Variants in ZP4 observed in about 807,000 individuals in gnomAD.
ZP4 encodes zona pellucida glycoprotein 4.
Under a neutral mutation model 62.3 loss-of-function variants are expected in ZP4, and 62 were observed. That is an observed-to-expected ratio of 0.99 (90% CI 0.81 to 1.23). ZP4 has a LOEUF of 1.23. Ranked by LOEUF, ZP4 falls within the 50% of genes most tolerant of loss-of-function variation. The pLI is 0.00. For missense variants in ZP4, 774 were observed against 656.0 expected, an observed-to-expected ratio of 1.18 and a Z score of -1.97; for synonymous variants, 289 against 247.3, an observed-to-expected ratio of 1.17 and a Z score of -1.58.
intron 4 of ZP4, among the ~76,000 whole-genome samples, chr1:237,888,139 T>C (rs1039797135): frequency 6.6e-6 from 1 of 152,230 alleles, no homozygotes; most frequent in Non-Finnish European, 1.5e-5. Context: ...GCACATAGCC[T>C]TCAAGTCTGA....
chr1:237,885,905 T>C lies in ZP4; in HGVS notation c.840-19A>G, dbSNP rs1010070481. ...ATGGAGCCTGCAGAGAAACAAGATT[T>C]TAGCTAGTTGGTTGTGGGAAGTGGG... On this transcript the variant is annotated intron_variant, in intron 6 of 11. Coordinates refer to ENST00000366570, the MANE Select transcript of ZP4 (RefSeq NM_021186.5). 6.2e-7 allele frequency: 1 copy of C among 1,613,412 alleles called. No individual in the cohort carries two copies. Among genetic ancestry groups the C allele is most frequent in the Non-Finnish European group, 8.5e-7 (1 of 1,179,824 alleles).
rs762466457 is a variant in ZP4, at chr1:237,890,189, G to A, written c.176-13C>T. The A allele has an allele frequency of 4.3e-6, 7 of 1,613,644 alleles. No homozygotes were observed. The highest frequency in any genetic ancestry group is 5.9e-6 in the Non-Finnish European group (7 of 1,179,998). On this transcript the variant is annotated splice_polypyrimidine_tract_variant and intron_variant, in intron 1 of 11. Transcript: ENST00000366570. ...AGCCCTTGGTTGTCTGGAGGGGTGG[G>A]GAAGAGGTGAGAAAACACAGCGGTC... is the stretch of plus-strand genomic sequence containing the variant.
chr1:237,884,617 C>G, intron 10 of ZP4, 152 bp downstream of exon 10: 1 of 649,974 alleles, frequency 1.5e-6, no homozygotes, highest in Non-Finnish European at 2.6e-6. Context: ...TTCTGGGAAG[C>G]TAGTCATCTT....
intron 10 of ZP4, among the ~76,000 whole-genome samples, chr1:237,883,728 GGAGGGA>G (rs1488627095): frequency 2.6e-4 from 5 of 19,206 alleles, no homozygotes; most frequent in African/African-American, 9.9e-4. Context: ...GGAGGGCGGG[GGAGGGA>G]GAGAGAGGGA....
At position 237,883,967 on chromosome 1, in the gene ZP4, AACAC is replaced by A. The variant is rs201363836; in HGVS notation, c.1390+798_1390+801del. Among the ~76,000 whole-genome samples, 387 of 86,556 alleles carry A rather than the reference AACAC, an allele frequency of 4.5e-3. 10 individuals are homozygous for A. The highest frequency in any genetic ancestry group is 0.02 in the African/African-American group (355 of 17,552). 56.8% of individuals were successfully genotyped at this position (86,556 alleles called of 152,430 possible). On this transcript the variant is annotated intron_variant, in intron 10 of 11. Transcript: ENST00000366570. ...AGAGCAAGAACTGGTCACACACACA[AACAC>A]ACACACACACAAACACACACACACA...
intron 10 of ZP4, among the ~76,000 whole-genome samples, chr1:237,883,988 ACACACACACACACACACAC>A (rs1665015525): frequency 6.4e-5 from 2 of 31,110 alleles, no homozygotes; most frequent in African/African-American, 2.0e-4. Context: ...ACACAAACAC[ACACACACACACACACACAC>A]ACACACACAA....
chr1:237,884,053 A>AAACACAC lies in ZP4; in HGVS notation c.1390+715_1390+716insGTGTGTT, dbSNP rs1665035411. On this transcript the variant is annotated intron_variant, in intron 10 of 11. Transcript: ENST00000366570. ...ACACAAACACACACAAACACACACA[A>AAACACAC]ACACACACAAACACACACAAACACA... 1.0e-4 allele frequency among the ~76,000 whole-genome samples: 13 copies of AAACACAC among 124,340 alleles called. 1 individual carries two copies. Among genetic ancestry groups the AAACACAC allele is most frequent in the African/African-American group, 5.7e-4 (13 of 22,728 alleles). 81.6% of individuals were successfully genotyped at this position (124,340 alleles called of 152,430 possible).
intron 3 of ZP4, among the ~76,000 whole-genome samples, chr1:237,889,159 T>TATTTTTCCAAGTTCC (rs1312235997): frequency 6.6e-6 from 1 of 152,024 alleles, no homozygotes; most frequent in Non-Finnish European, 1.5e-5. Context: ...TCTGTGGAGG[T>TATTTTTCCAAGTTCC]ATTTTTCCAA....
chr1:237,886,976 C>T (rs918837022), intron 5 of ZP4, 108 bp from the exon 6 acceptor site: 5 of 941,852 alleles, frequency 5.3e-6, no homozygotes, highest in Non-Finnish European at 8.2e-6. Flanking sequence ...TGGTATATTT[C>T]CTATTACTTC....
In ZP4 at chr1:237,888,354, TCAC is replaced by T; in HGVS notation, c.553+1_553+3del. Reference sequence around the variant, plus strand: ...TGGTTTCAGAGGTGTGCTCACTTACTCACCAGTGTTTCCATAGTAGCAGGAATT... The same window carrying T: ...TGGTTTCAGAGGTGTGCTCACTTACTCAGTGTTTCCATAGTAGCAGGAATT... On this transcript the variant is annotated splice_donor_variant and splice_donor_region_variant and intron_variant, in intron 4 of 11. Transcript: ENST00000366570. LOFTEE classifies it high-confidence loss of function. The T allele has an allele frequency of 6.4e-7, 1 of 1,572,752 alleles. No individual in the cohort carries two copies. The highest frequency in any genetic ancestry group is 8.7e-7 in the Non-Finnish European group (1 of 1,150,786).
intron 3 of ZP4, among the ~76,000 whole-genome samples, chr1:237,888,799 A>G (rs1287116953): frequency 6.6e-6 from 1 of 152,178 alleles, no homozygotes; most frequent in Non-Finnish European, 1.5e-5. Context: ...CCTTCCAGTA[A>G]CAATCCTTCC....
At position 237,885,521 on chromosome 1, in the gene ZP4, C is replaced by A; in HGVS notation, c.1030G>T (p.Asp344Tyr). Residue 344 changes from aspartate (D) to tyrosine (Y), a missense_variant, in exon 8 of 12, where the codon GAT (aspartate) becomes TAT (tyrosine). Coordinates refer to ENST00000366570, the MANE Select transcript of ZP4 (RefSeq NM_021186.5). ...ATGGAGACCTCCACGTAAATGGGAT[C>A]CCGAAGCAACTTCACCACTGGGTAG... ...GDYPVVKLLR[D>Y]PIYVEVSILH... 6.2e-7 allele frequency: 1 copy of A among 1,614,132 alleles called. No homozygotes were observed. The highest frequency in any genetic ancestry group is 1.3e-5 in the African/African-American group (1 of 75,016).
chr1:237,884,617 C>T, intron 10 of ZP4, 152 bp downstream of exon 10: 1 of 649,974 alleles, frequency 1.5e-6, no homozygotes, highest in South Asian at 2.3e-5. Flanking sequence ...TTCTGGGAAG[C>T]TAGTCATCTT....
At chr1:237,883,705 G>GAGAGA (rs1309054918) in intron 10 of ZP4, among the ~76,000 whole-genome samples, 1 of 39,818 alleles carries the variant, frequency 2.5e-5, no homozygotes, top group Non-Finnish European at 4.5e-5. Context: ...GGGGGAGGGC[G>GAGAGA]GGGGAGGGCG....
In ZP4 at chr1:237,884,003, C is replaced by CAA. The variant is rs1308809932; in HGVS notation, c.1390+765_1390+766insTT. On this transcript the variant is annotated intron_variant, in intron 10 of 11. Coordinates refer to ENST00000366570, the MANE Select transcript of ZP4 (RefSeq NM_021186.5). Reference sequence around the variant, plus strand: ...ACACAAACACACACACACACACACACACACACACACACAAACACACACACA... The same window carrying CAA: ...ACACAAACACACACACACACACACACAAACACACACACACAAACACACACACA... 1.5e-3 allele frequency among the ~76,000 whole-genome samples: 138 copies of CAA among 92,366 alleles called. 1 individual carries two copies. Among genetic ancestry groups the CAA allele is most frequent in the Middle Eastern group, 5.7e-3 (1 of 174 alleles). The allele number at this position is 92,366 out of a possible 152,430, so 60.6% of individuals were successfully genotyped here. A position where few individuals can be genotyped will look rare whatever the true frequency, so the allele number is the denominator to read the frequency against.
At position 237,890,523 on chromosome 1, in the gene ZP4, C is replaced by A; in HGVS notation, c.113G>T (p.Ser38Ile). The A allele has an allele frequency of 6.2e-7, 1 of 1,614,090 alleles. No individual in the cohort carries two copies. Among genetic ancestry groups the A allele is most frequent in the Non-Finnish European group, 8.5e-7 (1 of 1,180,014 alleles). ...YSSVLHCGPW[S>I]FQFAVNLNQE... ...GTTGAGGTTTACAGCAAACTGGAAGCTCCACGGCCCACAGTGGAGCACACT... is the reference window on the plus strand; with the variant it reads ...GTTGAGGTTTACAGCAAACTGGAAGATCCACGGCCCACAGTGGAGCACACT... Residue 38 changes from serine (S) to isoleucine (I), a missense_variant, in exon 1 of 12, where the codon AGC becomes ATC. Ser to Ile is a moderately radical substitution (Grantham distance 142). Coordinates refer to ENST00000366570, the MANE Select transcript of ZP4 (RefSeq NM_021186.5).
intron 6 of ZP4, 39 bp downstream of exon 6, chr1:237,886,732 C>T (rs1665110385): frequency 1.3e-6 from 2 of 1,574,906 alleles, no homozygotes; most frequent in South Asian, 2.2e-5. Flanking sequence ...GAATGCCCAC[C>T]TTATGGCAGA....
chr1:237,884,023 C>CACACACACACACAAACACACACAA (rs1558531132), intron 10 of ZP4, among the ~76,000 whole-genome samples: 1 of 65,226 alleles, frequency 1.5e-5, no homozygotes. Context: ...CACAAACACA[C>CACACACACACACAAACACACACAA]ACACACACAA....
At chr1:237,884,339 C>T (rs1002771202) in intron 10 of ZP4, among the ~76,000 whole-genome samples, 2 of 152,150 alleles carry the variant, frequency 1.3e-5, no homozygotes, top group Non-Finnish European at 2.9e-5. Flanking sequence ...GACATACAGA[C>T]ACATTGACTA....
Sources: gnomAD v4.1 joint callset for allele counts (sites outside exome capture counted in the v4.1 genomes callset) on GRCh38, gnomAD v4.1.1 for gene constraint, MANE v1.5 for transcripts, NCBI Gene and HGNC (gene_info 2026-07-23, HGNC 2026-07-21) for gene names.